The following COLEC12 variants were observed in gnomAD, a reference collection of about 807,000 sequenced individuals.
The protein encoded by COLEC12 is collectin subfamily member 12.
Under a neutral mutation model 71.1 loss-of-function variants are expected in COLEC12, and 33 were observed. The observed-to-expected ratio is 0.46, with a 90% confidence interval of 0.35 to 0.62. COLEC12 has a LOEUF of 0.62. COLEC12 is among the 20% of genes least tolerant of loss of function. The probability of loss-of-function intolerance (pLI) is 0.00; values close to 1 mark genes in which losing one functional copy is unlikely to be tolerated. For missense variants in COLEC12, 765 were observed against 916.1 expected (o/e 0.84, Z 2.13); for synonymous variants, 350 against 353.0 (o/e 0.99, Z 0.10).
rs1186208848 is a variant in COLEC12, at chr18:333,022, G to A, written c.1938C>T (p.Asn646=). ...GCAGGCATACCTGTTCCTCTCTAGT[G>A]TTTATGAAAACAAGATGTGAAGACT... is the stretch of plus-strand genomic sequence containing the variant. ...EDKSSHLVFI[N]TREEQQWIKK... is the part of the protein sequence containing the mutation. The change falls in exon 7 of 10, where the codon AAC becomes AAT. Residue 646 remains asparagine, a synonymous_variant. Transcript: ENST00000400256. 1 of 1,603,354 alleles carries A rather than the reference G, an allele frequency of 6.2e-7. No homozygotes were observed. The highest frequency in any genetic ancestry group is 1.1e-5 in the South Asian group (1 of 88,668).
chr18:471,139 C>T (rs1297478048), intron 2 of COLEC12, among the ~76,000 whole-genome samples: 1 of 152,074 alleles, frequency 6.6e-6, no homozygotes, highest in Admixed American at 6.5e-5. Context: ...AATACAACTA[C>T]CAGAGTGTAT....
chr18:410,118 A>G (rs929526910), intron 2 of COLEC12, among the ~76,000 whole-genome samples: 1 of 152,246 alleles, frequency 6.6e-6, no homozygotes, highest in African/African-American at 2.4e-5. Flanking sequence ...TGCCAAGCAC[A>G]TGGTAGACAC....
In COLEC12 at chr18:319,955, T is replaced by C; in HGVS notation, c.*90A>G. On this transcript the variant is annotated 3_prime_UTR_variant, in exon 10 of 10. Transcript: ENST00000400256. ...ATTGGTTTTCAGTGCTTTTTTTTTT[T>C]CAATCTGATGAGAAGGTGATGCAAT... The C allele has an allele frequency of 1.2e-6, 1 of 803,792 alleles. No individual in the cohort carries two copies. The highest frequency in any genetic ancestry group is 2.1e-6 in the Non-Finnish European group (1 of 483,924). The allele number at this position is 803,792 out of a possible 1,614,324, so 49.8% of individuals were successfully genotyped here.
chr18:421,404 G>T (rs1899189149), intron 2 of COLEC12, among the ~76,000 whole-genome samples: 1 of 152,114 alleles, frequency 6.6e-6, no homozygotes, highest in Non-Finnish European at 1.5e-5. Context: ...AAAAGCCACA[G>T]TACAAACAAG....
At chr18:428,350 C>T (rs60189849) in intron 2 of COLEC12, among the ~76,000 whole-genome samples, 5,312 of 152,062 alleles carry the variant, frequency 0.035, 310 homozygotes, top group African/African-American at 0.12. Flanking sequence ...GGGAATATGG[C>T]AGTGATTAAA....
At chr18:336,151 T>C (rs1914114501) in intron 5 of COLEC12, among the ~76,000 whole-genome samples, 1 of 152,328 alleles carries the variant, frequency 6.6e-6, no homozygotes, top group East Asian at 1.9e-4. Context: ...CCCTGTAAGC[T>C]TCCTCTCTGT....
chr18:490,222 C>T (rs899451594), intron 1 of COLEC12, among the ~76,000 whole-genome samples: 5 of 152,338 alleles, frequency 3.3e-5, no homozygotes, highest in Admixed American at 1.3e-4. Context: ...GCAGGGAAAA[C>T]GTGAGACCAG....
intron 2 of COLEC12, among the ~76,000 whole-genome samples, chr18:407,452 C>T (rs1226801777): frequency 6.6e-6 from 1 of 152,084 alleles, no homozygotes; most frequent in Non-Finnish European, 1.5e-5. Context: ...AGCCAAGGCT[C>T]AAAACCCAAG....
chr18:346,521 G>A lies in COLEC12; in HGVS notation c.1101C>T (p.Val367=). Reference sequence around the variant, plus strand: ...TAAGGGTATCTGTGCAAGTGGTCCTGACTTCATTTAGATTGCTGGTCAGCG... The same window carrying A: ...TAAGGGTATCTGTGCAAGTGGTCCTAACTTCATTTAGATTGCTGGTCAGCG... ...LRTLTSNLNE[V]RTTCTDTLTK... is the part of the protein sequence containing the mutation. Residue 367 remains valine (V), a synonymous_variant, in exon 5 of 10, where the codon GTC becomes GTT. Coordinates refer to ENST00000400256, the MANE Select transcript of COLEC12 (RefSeq NM_130386.3). The surrounding 1 kb of genome is among the most constrained non-coding windows in gnomAD (Gnocchi z 4.0). The A allele has an allele frequency of 6.2e-7, 1 of 1,614,178 alleles. No individual in the cohort carries two copies. Among genetic ancestry groups the A allele is most frequent in the Non-Finnish European group, 8.5e-7 (1 of 1,180,006 alleles).
At chr18:468,381 C>G (rs1282306678) in intron 2 of COLEC12, among the ~76,000 whole-genome samples, 1 of 152,120 alleles carries the variant, frequency 6.6e-6, no homozygotes, top group Non-Finnish European at 1.5e-5. Flanking sequence ...ATCATCTACC[C>G]TAACCCTTTT....
intron 2 of COLEC12, among the ~76,000 whole-genome samples, chr18:414,269 C>T (rs1288581409): frequency 2.6e-5 from 4 of 152,046 alleles, no homozygotes; most frequent in Non-Finnish European, 5.9e-5. Flanking sequence ...AGAGAGTAAG[C>T]AAAAGCAAAA....
intron 2 of COLEC12, among the ~76,000 whole-genome samples, chr18:464,416 C>A (rs1271398740): frequency 6.6e-6 from 1 of 152,214 alleles, no homozygotes; most frequent in Non-Finnish European, 1.5e-5. Context: ...GGCACTAATG[C>A]TCCTCGTTGC....
intron 3 of COLEC12, among the ~76,000 whole-genome samples, chr18:352,837 C>G (rs1914554067): frequency 6.6e-6 from 1 of 152,184 alleles, no homozygotes; most frequent in Non-Finnish European, 1.5e-5. Flanking sequence ...CCTGGAAATT[C>G]CCAGTCTATA....
intron 2 of COLEC12, among the ~76,000 whole-genome samples, chr18:469,957 A>C (rs546504501): frequency 1.3e-5 from 2 of 152,210 alleles, no homozygotes; most frequent in Non-Finnish European, 2.9e-5. Flanking sequence ...AAAATGATCA[A>C]GTGGGAATTT....
chr18:394,509 T>C (rs1261099518), intron 2 of COLEC12, among the ~76,000 whole-genome samples: 1 of 152,256 alleles, frequency 6.6e-6, no homozygotes, highest in Non-Finnish European at 1.5e-5. Context: ...CAGAATGTTG[T>C]ATCAAAACAT....
chr18:432,329 T>C (rs1038843797), intron 2 of COLEC12, among the ~76,000 whole-genome samples: 7 of 152,176 alleles, frequency 4.6e-5, no homozygotes, highest in Non-Finnish European at 7.3e-5. Flanking sequence ...ATTTATAAAA[T>C]ACAGCGAAAG....
At chr18:474,891 G>A (rs1917273729) in intron 2 of COLEC12, among the ~76,000 whole-genome samples, 1 of 152,018 alleles carries the variant, frequency 6.6e-6, no homozygotes, top group African/African-American at 2.4e-5. Flanking sequence ...TGGCCAACAG[G>A]ATAAAACCCC....
chr18:451,068 C>T (rs1442805122), intron 2 of COLEC12, among the ~76,000 whole-genome samples: 2 of 152,188 alleles, frequency 1.3e-5, no homozygotes, highest in East Asian at 3.8e-4. Flanking sequence ...TTGCTTCTAA[C>T]AGCCTATGTT....
At chr18:432,487 T>C (rs1305901620) in intron 2 of COLEC12, among the ~76,000 whole-genome samples, 1 of 152,204 alleles carries the variant, frequency 6.6e-6, no homozygotes, top group Admixed American at 6.5e-5. Flanking sequence ...GGGGTAAGAC[T>C]GCAATCAGTT....
Sources: allele counts gnomAD v4.1 joint callset (sites outside exome capture counted in the v4.1 genomes callset), GRCh38; gene constraint gnomAD v4.1.1; non-coding constraint Gnocchi (gnomAD v3.1); transcripts MANE v1.5; gene names NCBI Gene and HGNC (gene_info 2026-07-23, HGNC 2026-07-21).